Variants in COMMD1 observed in about 807,000 individuals in gnomAD.
COMMD1 encodes the protein copper metabolism domain containing 1.
A neutral mutation model predicts 17.2 loss-of-function variants in COMMD1; 10 were observed. The ratio of observed to expected loss-of-function variants is 0.58; its 90% CI spans 0.36 to 0.99. The LOEUF is 0.99. COMMD1 is among the 50% of genes least tolerant of loss of function. The pLI is 0.01. For missense variants in COMMD1, 270 were observed against 231.8 expected (o/e 1.17, Z -1.07); for synonymous variants, 97 against 91.6 (o/e 1.06, Z -0.34).
chr2:61,912,376 T>C (rs1247816961), intron 1 of COMMD1, among the ~76,000 whole-genome samples: 2 of 152,200 alleles, frequency 1.3e-5, no homozygotes, highest in Non-Finnish European at 2.9e-5. Flanking sequence ...TGTAGTACTC[T>C]AAACCAGGGG....
At chr2:62,109,789 T>C (rs1183904581) in intron 2 of COMMD1, among the ~76,000 whole-genome samples, 3 of 152,132 alleles carry the variant, frequency 2.0e-5, no homozygotes, top group South Asian at 2.1e-4. Context: ...AATGTGAGAA[T>C]TGAATTTGGA....
intron 2 of COMMD1, among the ~76,000 whole-genome samples, chr2:62,041,909 C>T (rs937971013): frequency 1.3e-5 from 2 of 152,208 alleles, no homozygotes; most frequent in African/African-American, 2.4e-5. Context: ...TGAGCAGCAG[C>T]AAGATTTATT....
chr2:62,084,622 G>A (rs1055327400), intron 2 of COMMD1, among the ~76,000 whole-genome samples: 2 of 152,126 alleles, frequency 1.3e-5, no homozygotes, highest in Admixed American at 1.3e-4. Context: ...TCTGAAAAAG[G>A]CTCATTTGGT....
rs1671680984 is a variant in COMMD1 at position 61,972,646 on chromosome 2, A to G, written c.181-28055A>G. On this transcript the variant is annotated intron_variant, in intron 1 of 2. Coordinates refer to ENST00000311832, the MANE Select transcript of COMMD1 (RefSeq NM_152516.4). ...TTTATCTCTGCGTTCTTTCTCCCCA[A>G]AACACATAACCTTTGTCTAACCAGG... Among the ~76,000 whole-genome samples the G allele has an allele frequency of 2.6e-5, 4 of 152,312 alleles. No homozygotes were observed. In the South Asian group the frequency reaches 8.3e-4, roughly 32 times the overall value.
intron 2 of COMMD1, among the ~76,000 whole-genome samples, chr2:62,088,960 C>G (rs1457344807): frequency 1.3e-5 from 2 of 152,140 alleles, no homozygotes. Context: ...GGGTTGCAGG[C>G]TATAGGTAAA....
At chr2:62,073,889 G>T (rs1376946912) in intron 2 of COMMD1, among the ~76,000 whole-genome samples, 2 of 152,076 alleles carry the variant, frequency 1.3e-5, no homozygotes, top group Non-Finnish European at 2.9e-5. Flanking sequence ...GTAGAGTCAG[G>T]ATTTCACCTT....
At chr2:62,106,661 C>A (rs532174349) in intron 2 of COMMD1, among the ~76,000 whole-genome samples, 5 of 152,258 alleles carry the variant, frequency 3.3e-5, no homozygotes, top group South Asian at 4.1e-4. Flanking sequence ...GGATTTTCAA[C>A]GTATAGACGT....
intron 1 of COMMD1, among the ~76,000 whole-genome samples, chr2:61,915,352 T>G (rs1670022597): frequency 6.6e-6 from 1 of 152,118 alleles, no homozygotes; most frequent in Admixed American, 6.6e-5. Flanking sequence ...TGCACTCTGA[T>G]TTTTCAAATG....
chr2:62,029,788 G>T (rs925350942), intron 2 of COMMD1, among the ~76,000 whole-genome samples: 5 of 152,166 alleles, frequency 3.3e-5, no homozygotes, highest in African/African-American at 1.2e-4. Context: ...TTTTGTACTG[G>T]ATAATTTTTT....
At chr2:61,904,930 T>A (rs756552201), upstream of COMMD1, among the ~76,000 whole-genome samples, 1 of 152,238 alleles carries the variant, frequency 6.6e-6, no homozygotes, top group Non-Finnish European at 1.5e-5. Flanking sequence ...TAAATGGATG[T>A]CCAATATTTG....
intron 1 of COMMD1, among the ~76,000 whole-genome samples, chr2:61,976,587 T>A (rs1422385939): frequency 1.3e-5 from 2 of 152,258 alleles, no homozygotes; most frequent in East Asian, 3.9e-4. Context: ...AGCACTCCTA[T>A]CAGTAATGGA....
At chr2:61,914,025 A>G (rs1179447185) in intron 1 of COMMD1, among the ~76,000 whole-genome samples, 1 of 151,724 alleles carries the variant, frequency 6.6e-6, no homozygotes, top group East Asian at 2.0e-4. Flanking sequence ...CAAAAAAATT[A>G]GCCACGTGTG....
At chr2:62,048,687 C>T (rs993817019) in intron 2 of COMMD1, among the ~76,000 whole-genome samples, 6 of 150,536 alleles carry the variant, frequency 4.0e-5, no homozygotes, top group East Asian at 3.9e-4. Flanking sequence ...ATTTTTTTCT[C>T]GTTTTTTTTT....
intron 1 of COMMD1, among the ~76,000 whole-genome samples, chr2:61,944,313 A>G (rs979718459): frequency 5.3e-5 from 8 of 152,006 alleles, no homozygotes; most frequent in Admixed American, 1.3e-4. Flanking sequence ...TGAGCTGGGT[A>G]TGGTGGCACA....
intron 2 of COMMD1, among the ~76,000 whole-genome samples, chr2:62,089,741 G>A (rs938482603): frequency 1.3e-5 from 2 of 152,180 alleles, no homozygotes; most frequent in Non-Finnish European, 2.9e-5. Flanking sequence ...TTCATGGTTT[G>A]TAGGGCGTGA....
chr2:62,012,655 C>A (rs1182878530), intron 2 of COMMD1, among the ~76,000 whole-genome samples: 1 of 152,080 alleles, frequency 6.6e-6, no homozygotes, highest in Non-Finnish European at 1.5e-5. Flanking sequence ...CTAGTGATTG[C>A]CATTTCTTTC....
intron 2 of COMMD1, among the ~76,000 whole-genome samples, chr2:62,115,825 GTTTT>G (rs1193748191): frequency 2.1e-5 from 3 of 139,546 alleles, no homozygotes; most frequent in African/African-American, 5.3e-5. Context: ...ATTTTGGTGG[GTTTT>G]TTTTTTCTTT....
intron 2 of COMMD1, among the ~76,000 whole-genome samples, chr2:62,098,798 G>A (rs1672092194): frequency 6.6e-6 from 1 of 152,150 alleles, no homozygotes; most frequent in South Asian, 2.1e-4. Flanking sequence ...ATCTTCTAAA[G>A]GCTGTTTCCA....
intron 2 of COMMD1, among the ~76,000 whole-genome samples, chr2:62,060,447 A>ATT (rs1670827023): frequency 3.3e-5 from 5 of 152,138 alleles, no homozygotes; most frequent in Admixed American, 6.5e-5. Context: ...GTTTTTTCTT[A>ATT]ATGTGGTAAC....
Sources: allele counts gnomAD v4.1 joint callset (sites outside exome capture counted in the v4.1 genomes callset), GRCh38; gene constraint gnomAD v4.1.1; transcripts MANE v1.5; gene names NCBI Gene and HGNC (gene_info 2026-07-23, HGNC 2026-07-21).